PPARGC1A: variants seen among roughly 807,000 people sequenced by gnomAD.
The protein encoded by PPARGC1A is PPARG coactivator 1 alpha.
PPARGC1A carries 25 observed loss-of-function variants against 88.7 expected under a neutral mutation model. The ratio of observed to expected loss-of-function variants is 0.28; its 90% CI spans 0.21 to 0.39. PPARGC1A has a LOEUF of 0.39. Ranked by LOEUF, PPARGC1A falls within the 10% of genes least tolerant of loss-of-function variation. The pLI is 1.00. For missense variants in PPARGC1A, 880 were observed against 968.7 expected, an observed-to-expected ratio of 0.91 and a Z score of 1.22; for synonymous variants, 363 against 355.6, an observed-to-expected ratio of 1.02 and a Z score of -0.24.
At chr4:23,868,222 ACATGTCTCCCAACTC>A (rs1280272980) in intron 2 of PPARGC1A, among the ~76,000 whole-genome samples, 1 of 152,048 alleles carries the variant, frequency 6.6e-6, no homozygotes, top group East Asian at 1.9e-4. Flanking sequence ...TAACACAACC[ACATGTCTCCCAACTC>A]CATATATCTT....
the PPARGC1A span, among the ~76,000 whole-genome samples, chr4:24,133,068 T>C: frequency 6.6e-6 from 1 of 152,198 alleles, no homozygotes; most frequent in Non-Finnish European, 1.5e-5. Context: ...ATTGATATTA[T>C]GGTACAAAAT....
the PPARGC1A span, among the ~76,000 whole-genome samples, chr4:24,158,651 G>A: frequency 6.6e-6 from 1 of 152,184 alleles, no homozygotes; most frequent in African/African-American, 2.4e-5. Context: ...TATCTCTGGA[G>A]TAAAATAAAC....
the PPARGC1A span, among the ~76,000 whole-genome samples, chr4:23,963,116 G>T: frequency 6.6e-6 from 1 of 152,220 alleles, no homozygotes; most frequent in African/African-American, 2.4e-5. Context: ...TGACATGGTG[G>T]AGACCCCGTG....
the PPARGC1A span, among the ~76,000 whole-genome samples, chr4:24,346,094 A>G: frequency 6.6e-6 from 1 of 152,108 alleles, no homozygotes; most frequent in African/African-American, 2.4e-5. Flanking sequence ...ATTGACTTGC[A>G]TATGTTAAAC....
At chr4:23,969,330 G>A in the PPARGC1A span, among the ~76,000 whole-genome samples, 885 of 152,196 alleles carry the variant, frequency 5.8e-3, 10 homozygotes, top group African/African-American at 0.019. Flanking sequence ...CCATGAGGCC[G>A]GGATTATCTA....
At position 23,871,244 on chromosome 4, in the gene PPARGC1A, C is replaced by T. The variant is rs58495236; in HGVS notation, c.234+13508G>A. On this transcript the variant is annotated intron_variant, in intron 2 of 12. Transcript: ENST00000264867. Reference sequence around the variant, plus strand: ...GCAAAGTGGTCCAGACTAGATTTGTCCCAGGAGAAACTGACACAAAGTCCT... The same window carrying T: ...GCAAAGTGGTCCAGACTAGATTTGTTCCAGGAGAAACTGACACAAAGTCCT... Among the ~76,000 whole-genome samples, 1,315 of 150,744 alleles carry T rather than the reference C, an allele frequency of 8.7e-3. 18 individuals carry two copies. Among genetic ancestry groups the T allele is most frequent in the African/African-American group, 0.031 (1,239 of 40,226 alleles).
intron 12 of PPARGC1A, among the ~76,000 whole-genome samples, chr4:23,798,730 T>C (rs904687309): frequency 6.6e-6 from 1 of 152,160 alleles, no homozygotes; most frequent in Non-Finnish European, 1.5e-5. Context: ...TTTTTTTTCG[T>C]TGAGGTCTTT....
the PPARGC1A span, among the ~76,000 whole-genome samples, chr4:24,022,355 C>G: frequency 6.6e-6 from 1 of 152,148 alleles, no homozygotes; most frequent in Non-Finnish European, 1.5e-5. Context: ...GAGTGCCTCC[C>G]TCTCACCCTG....
the PPARGC1A span, among the ~76,000 whole-genome samples, chr4:24,104,098 A>G: frequency 6.6e-6 from 1 of 152,224 alleles, no homozygotes; most frequent in Non-Finnish European, 1.5e-5. Context: ...CTGAAAAATC[A>G]AAGACAGAAT....
the PPARGC1A span, among the ~76,000 whole-genome samples, chr4:24,211,160 T>G: frequency 3.0e-4 from 46 of 152,112 alleles, no homozygotes; most frequent in Admixed American, 5.9e-4. Context: ...TGGCTCATAG[T>G]AGGTGCTTAA....
chr4:24,099,112 G>A, the PPARGC1A span, among the ~76,000 whole-genome samples: 1 of 151,948 alleles, frequency 6.6e-6, no homozygotes, highest in African/African-American at 2.4e-5. Context: ...ACAGAATACT[G>A]TCTTTAAAGT....
the PPARGC1A span, among the ~76,000 whole-genome samples, chr4:24,462,436 C>T: frequency 6.6e-6 from 1 of 151,904 alleles, no homozygotes; most frequent in South Asian, 2.1e-4. Flanking sequence ...CTCTCCACTC[C>T]TCCATCAGTT....
chr4:24,190,843 G>A, the PPARGC1A span, among the ~76,000 whole-genome samples: 5 of 152,132 alleles, frequency 3.3e-5, no homozygotes, highest in East Asian at 1.9e-4. Flanking sequence ...ATTTCCCACC[G>A]CTGGTGGACT....
At chr4:24,022,373 T>C in the PPARGC1A span, among the ~76,000 whole-genome samples, 1 of 152,144 alleles carries the variant, frequency 6.6e-6, no homozygotes, top group Non-Finnish European at 1.5e-5. Flanking sequence ...CTGCTCTCTT[T>C]TCCCATAGCG....
chr4:23,947,374 TATATATATATATATATATATATAAAA>T, the PPARGC1A span, among the ~76,000 whole-genome samples: 40,920 of 80,704 alleles, frequency 0.51, 7,521 homozygotes, highest in Non-Finnish European at 0.55. Flanking sequence ...TATATATATA[TATATATATATATATATATATATAAAA>T]AAAACGGTGA....
At chr4:24,022,272 T>C in the PPARGC1A span, among the ~76,000 whole-genome samples, 1 of 152,138 alleles carries the variant, frequency 6.6e-6, no homozygotes, top group African/African-American at 2.4e-5. Context: ...TGTTGCTTTT[T>C]TTGTCAGTCT....
At chr4:24,194,622 A>ACGCGCG in the PPARGC1A span, among the ~76,000 whole-genome samples, 2 of 38,576 alleles carry the variant, frequency 5.2e-5, no homozygotes, top group African/African-American at 1.4e-4. Flanking sequence ...ACGCGCGCGC[A>ACGCGCG]CGCGCGCGCA....
chr4:24,337,044 T>C, the PPARGC1A span, among the ~76,000 whole-genome samples: 1 of 152,382 alleles, frequency 6.6e-6, no homozygotes, highest in South Asian at 2.1e-4. Context: ...AGGTTATGAA[T>C]GCTTTTAAGG....
the PPARGC1A span, among the ~76,000 whole-genome samples, chr4:23,919,646 C>G: frequency 2.6e-5 from 4 of 151,578 alleles, no homozygotes; most frequent in East Asian, 7.8e-4. Flanking sequence ...AATGGTGATT[C>G]TCTCCTCTTG....
Sources: gnomAD v4.1 joint callset for allele counts (sites outside exome capture counted in the v4.1 genomes callset) on GRCh38, gnomAD v4.1.1 for gene constraint, MANE v1.5 for transcripts, NCBI Gene and HGNC (gene_info 2026-07-23, HGNC 2026-07-21) for gene names.